The following PCBD2 variants were observed in gnomAD, a reference collection of about 807,000 sequenced individuals.
PCBD2 encodes pterin-4 alpha-carbinolamine dehydratase 2, also known as pterin-4-alpha-carbinolamine dehydratase 2.
In PCBD2, 12 loss-of-function variants were observed where a neutral mutation model predicts 16.4. The observed-to-expected ratio is 0.73, with a 90% CI of 0.47 to 1.19. PCBD2 has a LOEUF of 1.19. PCBD2 is among the 50% of genes most tolerant of loss of function. PCBD2 has a pLI of 0.00. For missense variants in PCBD2, 138 were observed against 156.8 expected (o/e 0.88, Z 0.64); for synonymous variants, 58 against 61.8 (o/e 0.94, Z 0.29).
chr5:134,914,468 C>T (rs1359030981), intron 2 of PCBD2, among the ~76,000 whole-genome samples: 3 of 151,932 alleles, frequency 2.0e-5, no homozygotes, highest in Non-Finnish European at 2.9e-5. Context: ...TGCTGTGTTC[C>T]GCTGCTGTGC....
chr5:134,931,488 C>T (rs770448554), intron 2 of PCBD2, among the ~76,000 whole-genome samples: 2 of 152,152 alleles, frequency 1.3e-5, no homozygotes, highest in Non-Finnish European at 2.9e-5. Flanking sequence ...TATGAACTAA[C>T]ATAGGTTGTT....
intron 2 of PCBD2, chr5:134,927,139 C>T (rs1452823207): frequency 5.0e-6 from 2 of 398,394 alleles, no homozygotes; most frequent in South Asian, 2.5e-4. Context: ...ATGAGGATGG[C>T]TGTTACTACG....
chr5:134,961,433 G>A lies in PCBD2; in HGVS notation c.*752G>A, dbSNP rs1452703332. On this transcript the variant is annotated 3_prime_UTR_variant, in exon 4 of 4. Coordinates refer to ENST00000254908, the MANE Select transcript of PCBD2 (RefSeq NM_032151.5). ...CCCGAGTAGCTGGGACTATAGGCAC[G>A]TGCCACTGCGCCTAGCTAATTTTTG... Among the ~76,000 whole-genome samples, 3 of 151,794 alleles carry A rather than the reference G, an allele frequency of 2.0e-5. No homozygotes were observed. Among genetic ancestry groups the A allele is most frequent in the Admixed American group, 6.6e-5 (1 of 15,248 alleles).
intron 3 of PCBD2, among the ~76,000 whole-genome samples, chr5:134,960,250 T>C (rs889026672): frequency 2.3e-4 from 35 of 152,280 alleles, no homozygotes; most frequent in African/African-American, 8.2e-4. Flanking sequence ...AAATAGTTGA[T>C]GTAATTAAAG....
chr5:134,907,506 G>T (rs1209043033), intron 1 of PCBD2, among the ~76,000 whole-genome samples: 1 of 152,130 alleles, frequency 6.6e-6, no homozygotes, highest in Non-Finnish European at 1.5e-5. Flanking sequence ...CTCCCAAAGT[G>T]CTGGGATTAC....
At chr5:134,933,138 A>G (rs1296643636) in intron 2 of PCBD2, among the ~76,000 whole-genome samples, 2 of 152,244 alleles carry the variant, frequency 1.3e-5, no homozygotes, top group Non-Finnish European at 2.9e-5. Context: ...ATGTATGTAT[A>G]TATATTTGGG....
chr5:134,920,814 C>G (rs1750894849), intron 2 of PCBD2, among the ~76,000 whole-genome samples: 1 of 152,188 alleles, frequency 6.6e-6, no homozygotes, highest in Admixed American at 6.5e-5. Flanking sequence ...TGCCACCAAG[C>G]CTGGCTAATT....
Position 134,941,884 on chromosome 5 carries a change from C to T in PCBD2, c.217-17156C>T, listed in dbSNP as rs371428886. On this transcript the variant is annotated intron_variant, in intron 2 of 3. Transcript: ENST00000254908. Reference sequence around the variant, plus strand: ...CTGTAATCCCAGCACTTTGGGAGGCCGGGGCGGGTGGATCACGAGGTCAGG... The same window carrying T: ...CTGTAATCCCAGCACTTTGGGAGGCTGGGGCGGGTGGATCACGAGGTCAGG... 2.8e-4 allele frequency among the ~76,000 whole-genome samples: 43 copies of T among 151,080 alleles called. No individual in the cohort carries two copies. In the South Asian group the frequency reaches 2.9e-3, roughly 10 times the overall value.
intron 2 of PCBD2, among the ~76,000 whole-genome samples, chr5:134,956,844 A>G (rs750130817): frequency 1.1e-4 from 17 of 152,224 alleles, no homozygotes; most frequent in African/African-American, 4.1e-4. Context: ...TGACAGCAGT[A>G]TGTGCCATTA....
intron 2 of PCBD2, chr5:134,924,126 A>C (rs1433001321): frequency 2.5e-6 from 1 of 397,922 alleles, no homozygotes; most frequent in Admixed American, 4.4e-5. Context: ...AAGAATAATG[A>C]TGTATGCTTT....
rs1038369855 is a variant in PCBD2, at chr5:134,928,707, C to T, written c.216+18241C>T. ...AAAATTAGCCAGGCGTGGTGGCGGG[C>T]GCCTGTAGTCCCAGCTACTTGGGAG... On this transcript the variant is annotated intron_variant, in intron 2 of 3. Coordinates refer to ENST00000254908, the MANE Select transcript of PCBD2 (RefSeq NM_032151.5). 2.7e-4 allele frequency among the ~76,000 whole-genome samples: 41 copies of T among 152,142 alleles called. 1 individual carries two copies. Among genetic ancestry groups the T allele is most frequent in the Non-Finnish European group, 4.7e-4 (32 of 67,992 alleles).
At chr5:134,924,306 G>T in intron 2 of PCBD2, 1 of 395,120 alleles carries the variant, frequency 2.5e-6, no homozygotes, top group South Asian at 1.3e-4. Context: ...TTATTTGGGG[G>T]GAATGATGGT....
intron 2 of PCBD2, among the ~76,000 whole-genome samples, chr5:134,941,701 A>T (rs1365733813): frequency 5.9e-5 from 9 of 152,234 alleles, no homozygotes; most frequent in African/African-American, 1.4e-4. Flanking sequence ...GTGATTCAGG[A>T]TACACAATTA....
intron 2 of PCBD2, among the ~76,000 whole-genome samples, chr5:134,931,267 C>G (rs1278482871): frequency 6.6e-6 from 1 of 152,012 alleles, no homozygotes; most frequent in Non-Finnish European, 1.5e-5. Context: ...AATATATTGG[C>G]AGTAATTTGA....
intron 2 of PCBD2, among the ~76,000 whole-genome samples, chr5:134,935,293 C>A (rs1195308911): frequency 6.6e-6 from 1 of 152,230 alleles, no homozygotes; most frequent in Non-Finnish European, 1.5e-5. Context: ...GCCACTGCAT[C>A]TGCCTAAACA....
At chr5:134,952,577 G>A (rs1312121115) in intron 2 of PCBD2, among the ~76,000 whole-genome samples, 1 of 152,110 alleles carries the variant, frequency 6.6e-6, no homozygotes, top group African/African-American at 2.4e-5. Context: ...GCTGAGGTGG[G>A]AAGATTACTT....
At chr5:134,952,371 A>G (rs1751368450) in intron 2 of PCBD2, among the ~76,000 whole-genome samples, 1 of 152,206 alleles carries the variant, frequency 6.6e-6, no homozygotes, top group Admixed American at 6.5e-5. Flanking sequence ...TTTGTGGACT[A>G]ATATATGTTT....
At chr5:134,936,870 C>G (rs1023997093) in intron 2 of PCBD2, among the ~76,000 whole-genome samples, 9 of 152,164 alleles carry the variant, frequency 5.9e-5, no homozygotes, top group African/African-American at 1.9e-4. Flanking sequence ...CTCTTCAACT[C>G]AGAGATGAGT....
At chr5:134,912,901 A>T (rs537570188) in intron 2 of PCBD2, among the ~76,000 whole-genome samples, 2 of 152,288 alleles carry the variant, frequency 1.3e-5, no homozygotes, top group Admixed American at 6.5e-5. Flanking sequence ...TTCATCTTTC[A>T]TTTAGGACAG....
Sources: gnomAD v4.1 joint callset for allele counts (sites outside exome capture counted in the v4.1 genomes callset) on GRCh38, gnomAD v4.1.1 for gene constraint, MANE v1.5 for transcripts, NCBI Gene and HGNC (gene_info 2026-07-23, HGNC 2026-07-21) for gene names.